The following ABLIM2 variants were observed in gnomAD, a reference collection of about 807,000 sequenced individuals.
The protein encoded by ABLIM2 is actin-binding LIM protein 2.
A neutral mutation model predicts 97.7 loss-of-function variants in ABLIM2; 53 were observed. The observed-to-expected ratio is 0.54, with a 90% confidence interval of 0.44 to 0.68. ABLIM2 has a LOEUF of 0.68. ABLIM2 is among the 30% of genes least tolerant of loss of function. The pLI, the probability that ABLIM2 is intolerant of heterozygous loss-of-function variation, is 0.00. For synonymous variants in ABLIM2, 361 were observed against 345.8 expected (o/e 1.04, Z -0.49); for missense variants, 835 against 867.2 (o/e 0.96, Z 0.47).
Position 8,127,914 on chromosome 4 carries a change from A to AT in ABLIM2, c.11-21278dup, listed in dbSNP as rs964403732. On this transcript the variant is annotated intron_variant, in intron 1 of 20. Transcript: ENST00000447017. This position sits in a 1 kb window ranked among gnomAD's most constrained non-coding sequence, Gnocchi z 7.3. ...CCTTCCTCCATGTGTAGGGGCAGCA[A>AT]TAGTGAGCTCACAACCCCCACAGCC... Among the ~76,000 whole-genome samples, 5 of 152,160 alleles carry AT rather than the reference A, an allele frequency of 3.3e-5. No individual in the cohort carries two copies. Among genetic ancestry groups the AT allele is most frequent in the African/African-American group, 1.2e-4 (5 of 41,452 alleles).
chr4:8,042,792 T>C (rs1250833013), intron 9 of ABLIM2, among the ~76,000 whole-genome samples: 1 of 135,758 alleles, frequency 7.4e-6, no homozygotes, highest in Non-Finnish European at 1.5e-5. Flanking sequence ...TGAGCTGAGA[T>C]GGAGCCGTGG....
rs1467164556 is a variant in ABLIM2 at position 8,123,752 on chromosome 4, G to A, written c.11-17115C>T. 6.6e-6 allele frequency among the ~76,000 whole-genome samples: 1 copy of A among 152,196 alleles called. No homozygotes were observed. Among genetic ancestry groups the A allele is most frequent in the Non-Finnish European group, 1.5e-5 (1 of 68,032 alleles). Reference sequence around the variant, plus strand: ...CTGTGGGTCTACACATGGGCAGGCAGGGGTGTGCCGGCATTGGGTCACACA... The same window carrying A: ...CTGTGGGTCTACACATGGGCAGGCAAGGGTGTGCCGGCATTGGGTCACACA... On this transcript the variant is annotated intron_variant, in intron 1 of 20. Coordinates refer to ENST00000447017, the MANE Select transcript of ABLIM2 (RefSeq NM_001130083.2). This position sits in a 1 kb window ranked among gnomAD's most constrained non-coding sequence, Gnocchi z 6.2.
intron 2 of ABLIM2, among the ~76,000 whole-genome samples, chr4:8,101,884 A>G (rs1335705098): frequency 6.6e-6 from 1 of 152,184 alleles, no homozygotes; most frequent in Non-Finnish European, 1.5e-5. Flanking sequence ...TTCTGCATGT[A>G]TTCCCATTTG....
Position 8,002,704 on chromosome 4 carries a change from C to T in ABLIM2, c.1618+5355G>A, listed in dbSNP as rs1435540217. On this transcript the variant is annotated intron_variant, in intron 16 of 20. Transcript: ENST00000447017. The surrounding 1 kb of genome is among the most constrained non-coding windows in gnomAD (Gnocchi z 6.1). ...ACCTGTCTACAGGCTGTCTGTGCTG[C>T]TTAAATCCTGAGTCAGGCCAGGCTT... Among the ~76,000 whole-genome samples, 1 of 152,170 alleles carries T rather than the reference C, an allele frequency of 6.6e-6. No individual in the cohort carries two copies. The highest frequency in any genetic ancestry group is 1.9e-4 in the East Asian group (1 of 5,180).
intron 16 of ABLIM2, among the ~76,000 whole-genome samples, chr4:7,997,159 T>C (rs1753874713): frequency 6.6e-6 from 1 of 152,090 alleles, no homozygotes; most frequent in Non-Finnish European, 1.5e-5. Context: ...GCAACCTCCG[T>C]CTCCCAGGTT....
intron 20 of ABLIM2, among the ~76,000 whole-genome samples, chr4:7,980,982 C>T (rs562754885): frequency 8.9e-5 from 8 of 90,140 alleles, no homozygotes; most frequent in African/African-American, 2.5e-4. Flanking sequence ...CTTGCTCTGT[C>T]GCCCAGGCCG....
chr4:8,152,051 C>G (rs1381469076), intron 1 of ABLIM2, among the ~76,000 whole-genome samples: 1 of 151,998 alleles, frequency 6.6e-6, no homozygotes, highest in Non-Finnish European at 1.5e-5. Flanking sequence ...GCAGGTCCCG[C>G]AGCTGGAAAA....
In ABLIM2 at chr4:8,025,895, T is replaced by G. The variant is rs191245461; in HGVS notation, c.1267+1864A>C. ...GCCGTGACTCACCCAAATGGTTGAT[T>G]CACTCTGGGTTTCAGGACCGCCCCC... On this transcript the variant is annotated intron_variant, in intron 12 of 20. Coordinates refer to ENST00000447017, the MANE Select transcript of ABLIM2 (RefSeq NM_001130083.2). Among the ~76,000 whole-genome samples the G allele has an allele frequency of 5.7e-3, 867 of 152,318 alleles. 10 individuals carry two copies. Among genetic ancestry groups the G allele is most frequent in the African/African-American group, 0.019 (797 of 41,566 alleles).
At position 8,032,879 on chromosome 4, in the gene ABLIM2, T is replaced by C. The variant is rs1048158434; in HGVS notation, c.1048-3103A>G. Among the ~76,000 whole-genome samples, 4 of 151,998 alleles carry C rather than the reference T, an allele frequency of 2.6e-5. No individual in the cohort carries two copies. The highest frequency in any genetic ancestry group is 9.7e-5 in the African/African-American group (4 of 41,372). On this transcript the variant is annotated intron_variant, in intron 10 of 20. Coordinates refer to ENST00000447017, the MANE Select transcript of ABLIM2 (RefSeq NM_001130083.2). The surrounding 1 kb of genome is among the most constrained non-coding windows in gnomAD (Gnocchi z 4.3). ...TCTTTGGAGAAACATGGTTAATTCT[T>C]CCCAGAGAAAGAGGCCCCCGGGGAA... is the stretch of plus-strand genomic sequence containing the variant.
chr4:8,088,339 G>C lies in ABLIM2; in HGVS notation c.339-55C>G, dbSNP rs532455847. ...GCCCACCTTCTGGCTCCTCTCTGGG[G>C]GAGCCCTGTCCCAGTGCAGGAGACC... On this transcript the variant is annotated intron_variant, in intron 3 of 20. Coordinates refer to ENST00000447017, the MANE Select transcript of ABLIM2 (RefSeq NM_001130083.2). The C allele has an allele frequency of 1.6e-4, 227 of 1,463,450 alleles. 1 individual carries two copies. In the African/African-American group the frequency reaches 2.0e-3, roughly 13 times the overall value. The allele number at this position is 1,463,450 out of a possible 1,614,324, so 90.7% of individuals were successfully genotyped here. A position where few individuals can be genotyped will look rare whatever the true frequency, so the allele number is the denominator to read the frequency against.
chr4:8,019,561 A>T lies in ABLIM2; in HGVS notation c.1423+57T>A. ...AACAAAAGGATGCATTCAGAAGCAG[A>T]TGGGTATTGACAGGCATGCGGGGCA... is the stretch of plus-strand genomic sequence containing the variant. On this transcript the variant is annotated intron_variant, in intron 14 of 20. Coordinates refer to ENST00000447017, the MANE Select transcript of ABLIM2 (RefSeq NM_001130083.2). This position sits in a 1 kb window ranked among gnomAD's most constrained non-coding sequence, Gnocchi z 4.3. The T allele has an allele frequency of 3.3e-6, 5 of 1,511,680 alleles. No individual in the cohort carries two copies. Among genetic ancestry groups the T allele is most frequent in the Non-Finnish European group, 4.5e-6 (5 of 1,102,122 alleles). The allele number at this position is 1,511,680 out of a possible 1,614,324, so 93.6% of individuals were successfully genotyped here. A position where few individuals can be genotyped will look rare whatever the true frequency, so the allele number is the denominator to read the frequency against.
At chr4:8,016,420 A>G (rs532838189) in intron 14 of ABLIM2, among the ~76,000 whole-genome samples, 90 of 152,210 alleles carry the variant, frequency 5.9e-4, no homozygotes, top group African/African-American at 2.0e-3. Context: ...CCTGCCCGAT[A>G]TCAAGTGTCG....
At chr4:8,111,548 A>G (rs1429696080) in intron 1 of ABLIM2, among the ~76,000 whole-genome samples, 1 of 152,244 alleles carries the variant, frequency 6.6e-6, no homozygotes, top group Non-Finnish European at 1.5e-5. Context: ...AATCATAGGG[A>G]AGACGGGATG....
intron 18 of ABLIM2, 139 bp downstream of exon 18, chr4:7,984,700 C>T: frequency 2.3e-6 from 2 of 877,320 alleles, no homozygotes; most frequent in Non-Finnish European, 3.4e-6. Flanking sequence ...ACCAGCACGC[C>T]CTCCCCCGAG....
intron 3 of ABLIM2, among the ~76,000 whole-genome samples, chr4:8,091,595 TAATTA>T (rs1828299223): frequency 3.4e-5 from 1 of 29,690 alleles, no homozygotes; most frequent in African/African-American, 2.0e-4. Flanking sequence ...ATTATATATA[TAATTA>T]TATATATTAT....
Position 7,992,460 on chromosome 4 carries a change from G to A in ABLIM2, c.1680+406C>T, listed in dbSNP as rs1749652349. Among the ~76,000 whole-genome samples, 1 of 152,196 alleles carries A rather than the reference G, an allele frequency of 6.6e-6. No individual in the cohort carries two copies. Among genetic ancestry groups the A allele is most frequent in the African/African-American group, 2.4e-5 (1 of 41,448 alleles). On this transcript the variant is annotated intron_variant, in intron 17 of 20. Transcript: ENST00000447017. This position sits in a 1 kb window ranked among gnomAD's most constrained non-coding sequence, Gnocchi z 5.7. ...GCAGGGAAGGCCAGGGCATCCCCGA[G>A]AAGGAGGTGGGCACTTGGCTCACAC...
In ABLIM2 at chr4:8,112,174, G is replaced by C. The variant is rs1039317460; in HGVS notation, c.11-5537C>G. Among the ~76,000 whole-genome samples, 1 of 152,106 alleles carries C rather than the reference G, an allele frequency of 6.6e-6. No individual in the cohort carries two copies. The highest frequency in any genetic ancestry group is 6.5e-5 in the Admixed American group (1 of 15,272). ...AATAACAAAAATGATTGCTGGTGTC[G>C]TTAACACACAACCTTCACAACAAAG... is the stretch of plus-strand genomic sequence containing the variant. On this transcript the variant is annotated intron_variant, in intron 1 of 20. Coordinates refer to ENST00000447017, the MANE Select transcript of ABLIM2 (RefSeq NM_001130083.2). This position sits in a 1 kb window ranked among gnomAD's most constrained non-coding sequence, Gnocchi z 4.2.
intron 1 of ABLIM2, among the ~76,000 whole-genome samples, chr4:8,141,615 C>G (rs1183577978): frequency 6.6e-6 from 1 of 152,194 alleles, no homozygotes; most frequent in African/African-American, 2.4e-5. Context: ...TTCCTGACCT[C>G]AAATGATCCT....
In ABLIM2 at chr4:8,085,462, C is replaced by T. The variant is rs545958080; in HGVS notation, c.454+2707G>A. Reference sequence around the variant, plus strand: ...ATTCCCCGCCCCCACGCTGCAGCCCCGTCCACTCACACGGGTCTGGGGGTG... The same window carrying T: ...ATTCCCCGCCCCCACGCTGCAGCCCTGTCCACTCACACGGGTCTGGGGGTG... On this transcript the variant is annotated intron_variant, in intron 4 of 20. Coordinates refer to ENST00000447017, the MANE Select transcript of ABLIM2 (RefSeq NM_001130083.2). This position sits in a 1 kb window ranked among gnomAD's most constrained non-coding sequence, Gnocchi z 6.1. 4.1e-4 allele frequency among the ~76,000 whole-genome samples: 63 copies of T among 151,970 alleles called. No homozygotes were observed. Among genetic ancestry groups the T allele is most frequent in the African/African-American group, 1.4e-3 (60 of 41,452 alleles).
Sources: gnomAD v4.1 joint callset for allele counts (sites outside exome capture counted in the v4.1 genomes callset) on GRCh38, gnomAD v4.1.1 for gene constraint, Gnocchi (gnomAD v3.1) non-coding constraint, MANE v1.5 for transcripts, NCBI Gene and HGNC (gene_info 2026-07-23, HGNC 2026-07-21) for gene names.